Variants in CHD6 observed in about 807,000 individuals in gnomAD.
CHD6 encodes the protein chromodomain helicase DNA binding protein 6, also known as ATP-dependent chromatin remodeler CHD6.
In CHD6, 50 loss-of-function variants were observed where a neutral mutation model predicts 276.9. The observed-to-expected ratio is 0.18, with a 90% CI of 0.14 to 0.23. The LOEUF is 0.23. Ranked by LOEUF, CHD6 falls within the 10% of genes least tolerant of loss-of-function variation. CHD6 has a pLI of 1.00. For missense variants in CHD6, 2,564 were observed against 3,365.8 expected (o/e 0.76, Z 5.89); for synonymous variants, 1,173 against 1,229.3 (o/e 0.95, Z 0.96).
At chr20:41,416,109 C>T (rs1249907247) in intron 33 of CHD6, among the ~76,000 whole-genome samples, 1 of 152,156 alleles carries the variant, frequency 6.6e-6, no homozygotes, top group Non-Finnish European at 1.5e-5. Flanking sequence ...AACTCATCAC[C>T]CCCACCAAAA....
chr20:41,476,810 G>GA (rs969690207), intron 16 of CHD6, among the ~76,000 whole-genome samples: 80 of 141,806 alleles, frequency 5.6e-4, no homozygotes, highest in Non-Finnish European at 9.8e-4. Context: ...GAAAGAAAAA[G>GA]AAAAAAAAAA....
chr20:41,525,424 T>C lies in CHD6; in HGVS notation c.554+7626A>G, dbSNP rs77160093. Among the ~76,000 whole-genome samples, 90 of 152,304 alleles carry C rather than the reference T, an allele frequency of 5.9e-4. 1 individual carries two copies. In the East Asian group the frequency reaches 0.015, roughly 26 times the overall value. On this transcript the variant is annotated intron_variant, in intron 3 of 36. Transcript: ENST00000373233. ...CCCTCCTCCAGAGCTGCCTGCTCCA[T>C]TGCAAGGAGGAAACACCTCTATGTT...
intron 31 of CHD6, among the ~76,000 whole-genome samples, chr20:41,420,216 C>T (rs1333243629): frequency 6.6e-6 from 1 of 152,186 alleles, no homozygotes; most frequent in Non-Finnish European, 1.5e-5. Flanking sequence ...AACTATTTCC[C>T]CTTAACACCA....
chr20:41,589,897 G>A (rs533168243), intron 1 of CHD6, among the ~76,000 whole-genome samples: 3 of 152,116 alleles, frequency 2.0e-5, no homozygotes, highest in South Asian at 2.1e-4. Flanking sequence ...AAAAGAGTCC[G>A]CATTGCCAAG....
chr20:41,537,841 A>G (rs2044865532), intron 2 of CHD6, among the ~76,000 whole-genome samples: 1 of 152,202 alleles, frequency 6.6e-6, no homozygotes, highest in South Asian at 2.1e-4. Flanking sequence ...AGTTAAACAC[A>G]GTTAGCAAAT....
At chr20:41,567,858 A>T (rs1262705592) in intron 1 of CHD6, among the ~76,000 whole-genome samples, 1 of 152,220 alleles carries the variant, frequency 6.6e-6, no homozygotes, top group African/African-American at 2.4e-5. Context: ...CTGAAGGAAC[A>T]CAAGGCTGCT....
At position 41,462,401 on chromosome 20, in the gene CHD6, C is replaced by T. The variant is rs117897730; in HGVS notation, c.2665-4973G>A. ...AATTTCAAGATTTTTCTCTCCCCAG[C>T]CACTTAGGGATATATCCTGCTAAGT... On this transcript the variant is annotated intron_variant, in intron 17 of 36. Transcript: ENST00000373233. Among the ~76,000 whole-genome samples the T allele has an allele frequency of 3.3e-5, 5 of 152,306 alleles. No individual in the cohort carries two copies. In the East Asian group the frequency reaches 9.7e-4, roughly 29 times the overall value.
rs1425034402 is a variant in CHD6, at chr20:41,501,389, ACT to A, written c.853-2034_853-2033del. Among the ~76,000 whole-genome samples, 27 of 152,200 alleles carry A rather than the reference ACT, an allele frequency of 1.8e-4. No individual in the cohort carries two copies. In the East Asian group the frequency reaches 2.9e-3, roughly 16 times the overall value. On this transcript the variant is annotated intron_variant, in intron 5 of 36. Coordinates refer to ENST00000373233, the MANE Select transcript of CHD6 (RefSeq NM_032221.5). ...ATCAAGTTTATATAATTTTTCCAAC[ACT>A]CTGAAAAATCCTGTGCCCTCACTGT...
At chr20:41,495,099 T>C (rs2043651450) in intron 8 of CHD6, among the ~76,000 whole-genome samples, 2 of 152,030 alleles carry the variant, frequency 1.3e-5, no homozygotes, top group Non-Finnish European at 2.9e-5. Context: ...TCCATCTTAA[T>C]GATACGAAAA....
chr20:41,440,451 G>A (rs2047866191), intron 25 of CHD6, among the ~76,000 whole-genome samples: 2 of 152,098 alleles, frequency 1.3e-5, no homozygotes, highest in African/African-American at 2.4e-5. Context: ...CCTCAACTCT[G>A]GATACCTTGT....
chr20:41,498,203 G>C lies in CHD6; in HGVS notation c.939C>G (p.Phe313Leu). 6.2e-7 allele frequency: 1 copy of C among 1,611,354 alleles called. No individual in the cohort carries two copies. The highest frequency in any genetic ancestry group is 8.5e-7 in the Non-Finnish European group (1 of 1,178,968). Reference protein sequence around the residue: ...VQEVHPGEPPFDLELFYVKYR... With the variant: ...VQEVHPGEPPLDLELFYVKYR... ...ACTTAACGTAGAACAGCTCCAAGTC[G>C]AACGGAGGTTCTCCTGGGTGAACCT... The change falls in exon 7 of 37, where the codon TTC becomes TTG. Residue 313 changes from phenylalanine to leucine, a missense_variant. By Grantham distance (22) the Phe-to-Leu change is conservative (BLOSUM62 0). This residue lies in a region of CHD6 where 457 missense variants were observed against 889.0 expected (regional missense o/e 0.51). Coordinates refer to ENST00000373233, the MANE Select transcript of CHD6 (RefSeq NM_032221.5).
rs1402936806 is a variant in CHD6, at chr20:41,421,163, T to C, written c.5472A>G (p.Val1824=). 1 of 1,613,546 alleles carries C rather than the reference T, an allele frequency of 6.2e-7. No individual in the cohort carries two copies. The highest frequency in any genetic ancestry group is 1.7e-4 in the Middle Eastern group (1 of 6,060). ...CACAGACACTAAGACTGCACATATC[T>C]ACAAACCCACTTTCATTTCCTGGAT... ...SLNPGNESGF[V]DMCSLSVCDS... The change falls in exon 31 of 37, where the codon GTA becomes GTG. Residue 1824 remains valine, a synonymous_variant. Transcript: ENST00000373233.
chr20:41,601,525 C>T (rs2045773290), intron 1 of CHD6, among the ~76,000 whole-genome samples: 1 of 152,182 alleles, frequency 6.6e-6, no homozygotes, highest in Admixed American at 6.6e-5. Flanking sequence ...AACCTGGAGA[C>T]TAAATGACTC....
intron 36 of CHD6, among the ~76,000 whole-genome samples, chr20:41,410,196 G>A (rs6129832): frequency 0.14 from 20,893 of 152,178 alleles, 2,698 homozygotes; most frequent in East Asian, 0.33. Context: ...TGTGCCCCAA[G>A]GTGATGGTAA....
intron 16 of CHD6, chr20:41,482,635 T>C (rs763378386): frequency 1.6e-5 from 7 of 439,010 alleles, no homozygotes; most frequent in Non-Finnish European, 3.2e-5. Context: ...TCATTTGTCA[T>C]CTTCAGATCA....
chr20:41,488,502 C>T lies in CHD6; in HGVS notation c.1783G>A (p.Val595Met). 6.2e-7 allele frequency: 1 copy of T among 1,613,966 alleles called. No individual in the cohort carries two copies. The highest frequency in any genetic ancestry group is 8.5e-7 in the Non-Finnish European group (1 of 1,179,890). The change falls in exon 13 of 37, where the codon GTG (valine) becomes ATG (methionine). Residue 595 changes from valine (V) to methionine (M), a missense_variant. Val to Met is a conservative substitution (Grantham distance 21, BLOSUM62 1). Coordinates refer to ENST00000373233, the MANE Select transcript of CHD6 (RefSeq NM_032221.5). ...AGTCTGTGGGCTTCATCAATTATCA[C>T]ACAGCTCCAGTGAATCTTCTTCAAC... is the stretch of plus-strand genomic sequence containing the variant. ...PELKKIHWSCVIIDEAHRLKN... is the reference protein window; with the variant it reads ...PELKKIHWSCMIIDEAHRLKN...
chr20:41,567,115 C>A (rs146560810), intron 1 of CHD6, among the ~76,000 whole-genome samples: 4 of 152,228 alleles, frequency 2.6e-5, no homozygotes, highest in Non-Finnish European at 5.9e-5. Flanking sequence ...CTCTTCCCAC[C>A]CTAAAAGGCA....
At chr20:41,456,869 G>A (rs1026993011) in intron 18 of CHD6, among the ~76,000 whole-genome samples, 16 of 151,906 alleles carry the variant, frequency 1.1e-4, no homozygotes, top group Non-Finnish European at 1.6e-4. Flanking sequence ...TTAATATGCC[G>A]AGCACTGTTA....
At chr20:41,555,008 G>A (rs1446266307) in intron 1 of CHD6, among the ~76,000 whole-genome samples, 1 of 150,542 alleles carries the variant, frequency 6.6e-6, no homozygotes, top group African/African-American at 2.4e-5. Flanking sequence ...CCGGGCGGGG[G>A]GCTGACCCCC....
Sources: gnomAD v4.1 joint callset for allele counts (sites outside exome capture counted in the v4.1 genomes callset) on GRCh38, gnomAD v4.1.1 for gene constraint, gnomAD v4.1.1 regional missense constraint, MANE v1.5 for transcripts, NCBI Gene and HGNC (gene_info 2026-07-23, HGNC 2026-07-21) for gene names.